Variants in ULK4 observed in about 807,000 individuals in gnomAD.
ULK4 encodes the protein unc-51 like kinase 4.
In ULK4, 133 loss-of-function variants were observed where a neutral mutation model predicts 160.6. The observed-to-expected ratio is 0.83, with a 90% CI of 0.72 to 0.96. The LOEUF (loss-of-function observed/expected upper bound fraction) is 0.96, where lower values mean the gene tolerates loss of function less well. Ranked by LOEUF, ULK4 falls within the 40% of genes least tolerant of loss-of-function variation. ULK4 has a pLI of 0.00. For missense variants in ULK4, 1,580 were observed against 1,499.5 expected (o/e 1.05, Z -0.89); for synonymous variants, 534 against 539.8 (o/e 0.99, Z 0.15).
At chr3:41,602,571 A>G (rs2032167316) in intron 31 of ULK4, among the ~76,000 whole-genome samples, 2 of 152,182 alleles carry the variant, frequency 1.3e-5, no homozygotes, top group African/African-American at 4.8e-5. Context: ...ACAGGAACTC[A>G]CTGTACTACC....
intron 34 of ULK4, among the ~76,000 whole-genome samples, chr3:41,414,688 C>A (rs2125830478): frequency 6.6e-6 from 1 of 152,224 alleles, no homozygotes; most frequent in African/African-American, 2.4e-5. Flanking sequence ...ATTAGGCCAC[C>A]AATACTGTTC....
At position 41,677,626 on chromosome 3, in the gene ULK4, C is replaced by A. The variant is rs150208339; in HGVS notation, c.2978+3882G>T. ...GATTACAGGTGAGAGCCACCGCGCCCGGCCCCTAAAGTTCATTGTTTAGCA... is the reference window on the plus strand; with the variant it reads ...GATTACAGGTGAGAGCCACCGCGCCAGGCCCCTAAAGTTCATTGTTTAGCA... On this transcript the variant is annotated intron_variant, in intron 29 of 36. Coordinates refer to ENST00000301831, the MANE Select transcript of ULK4 (RefSeq NM_017886.4). 3.6e-3 allele frequency among the ~76,000 whole-genome samples: 550 copies of A among 152,226 alleles called. 6 individuals are homozygous for A. The highest frequency in any genetic ancestry group is 0.012 in the African/African-American group (511 of 41,524).
chr3:41,397,246 T>C (rs554983461), intron 35 of ULK4, among the ~76,000 whole-genome samples: 1 of 152,136 alleles, frequency 6.6e-6, no homozygotes, highest in African/African-American at 2.4e-5. Flanking sequence ...CACTTTCAAA[T>C]AGACGTCAGC....
intron 32 of ULK4, among the ~76,000 whole-genome samples, chr3:41,465,522 A>T (rs1377440603): frequency 6.6e-6 from 1 of 152,170 alleles, no homozygotes; most frequent in African/African-American, 2.4e-5. Flanking sequence ...CAGCTCCATA[A>T]ATTCCATTTG....
chr3:41,565,926 C>T, intron 32 of ULK4, 99 bp downstream of exon 32: 1 of 780,586 alleles, frequency 1.3e-6, no homozygotes, highest in Non-Finnish European at 2.0e-6. Context: ...TCTATTTTGA[C>T]TCATCAACTT....
In ULK4 at chr3:41,386,861, C is replaced by T. The variant is rs59358302; in HGVS notation, c.3678+11218G>A. On this transcript the variant is annotated intron_variant, in intron 35 of 36. Coordinates refer to ENST00000301831, the MANE Select transcript of ULK4 (RefSeq NM_017886.4). Reference sequence around the variant, plus strand: ...AAGCTTTCTCTGTCACATCCTGTGACATGTGATCTTGTCGATACCTATGGT... The same window carrying T: ...AAGCTTTCTCTGTCACATCCTGTGATATGTGATCTTGTCGATACCTATGGT... 3.1e-4 allele frequency among the ~76,000 whole-genome samples: 47 copies of T among 152,194 alleles called. 1 individual carries two copies. The East Asian group carries it at 8.1e-3, about 26-fold the overall frequency.
intron 19 of ULK4, among the ~76,000 whole-genome samples, chr3:41,801,585 C>G (rs556953254): frequency 1.3e-5 from 2 of 151,794 alleles, no homozygotes; most frequent in South Asian, 4.2e-4. Context: ...AGCAATGTCC[C>G]ATTCCTGTAA....
intron 35 of ULK4, among the ~76,000 whole-genome samples, chr3:41,309,319 A>G (rs2080005253): frequency 1.3e-5 from 2 of 152,078 alleles, no homozygotes; most frequent in Admixed American, 6.5e-5. Flanking sequence ...AGAACAACAA[A>G]GATAAAGGGA....
At chr3:41,435,329 G>T (rs2083009674) in intron 34 of ULK4, among the ~76,000 whole-genome samples, 1 of 152,156 alleles carries the variant, frequency 6.6e-6, no homozygotes, top group Non-Finnish European at 1.5e-5. Context: ...GGGACAAACA[G>T]AACTGTGTGA....
At chr3:41,687,184 C>T (rs750689654) in intron 27 of ULK4, among the ~76,000 whole-genome samples, 2 of 152,052 alleles carry the variant, frequency 1.3e-5, no homozygotes, top group Non-Finnish European at 2.9e-5. Flanking sequence ...ACCATCCTGG[C>T]CAACATGGTG....
intron 32 of ULK4, among the ~76,000 whole-genome samples, chr3:41,484,458 C>CTTTTTTT (rs369059587): frequency 2.3e-4 from 31 of 134,930 alleles, no homozygotes; most frequent in African/African-American, 4.2e-4. Flanking sequence ...CTTTCTTTTC[C>CTTTTTTT]TTTTTTTGTT....
intron 35 of ULK4, among the ~76,000 whole-genome samples, chr3:41,375,466 A>T (rs868839067): frequency 6.7e-6 from 1 of 150,132 alleles, no homozygotes; most frequent in South Asian, 2.2e-4. Context: ...AGGCCGCAGA[A>T]ATAACACCAT....
chr3:41,363,401 G>A (rs73828006), intron 35 of ULK4, among the ~76,000 whole-genome samples: 6,518 of 152,278 alleles, frequency 0.043, 365 homozygotes, highest in East Asian at 0.19. Context: ...CTGGTTTGGC[G>A]AATCAGGAAA....
chr3:41,385,552 A>G lies in ULK4; in HGVS notation c.3678+12527T>C, dbSNP rs183170066. The stretch of plus-strand genomic sequence containing the variant: ...GTCTCTAAAATTAAAAAGAAAAATC[A>G]TATCACAACTTGGTATGCACAGCCA... On this transcript the variant is annotated intron_variant, in intron 35 of 36. Coordinates refer to ENST00000301831, the MANE Select transcript of ULK4 (RefSeq NM_017886.4). Among the ~76,000 whole-genome samples the G allele has an allele frequency of 2.8e-4, 42 of 152,310 alleles. 1 individual carries two copies. Among genetic ancestry groups the G allele is most frequent in the Admixed American group, 1.5e-3 (23 of 15,284 alleles).
chr3:41,448,825 T>C (rs1248065988), intron 34 of ULK4, among the ~76,000 whole-genome samples: 1 of 152,182 alleles, frequency 6.6e-6, no homozygotes, highest in Non-Finnish European at 1.5e-5. Flanking sequence ...CTTGGGCAAT[T>C]GAGTGGAAGT....
intron 25 of ULK4, among the ~76,000 whole-genome samples, chr3:41,709,456 G>A (rs1021007887): frequency 1.3e-5 from 2 of 152,118 alleles, no homozygotes; most frequent in Admixed American, 6.5e-5. Context: ...GCATGATCTC[G>A]GTTCACTGCA....
At chr3:41,294,562 C>T (rs11717079) in intron 35 of ULK4, among the ~76,000 whole-genome samples, 251 of 151,970 alleles carry the variant, frequency 1.7e-3, no homozygotes, top group East Asian at 3.3e-3. Context: ...TAATCATATA[C>T]GTTTTATAAA....
intron 19 of ULK4, among the ~76,000 whole-genome samples, chr3:41,816,892 C>A (rs2040982030): frequency 6.6e-6 from 1 of 152,106 alleles, no homozygotes; most frequent in African/African-American, 2.4e-5. Flanking sequence ...ACTTCCATAC[C>A]CTGCTGGTGG....
intron 17 of ULK4, among the ~76,000 whole-genome samples, chr3:41,844,337 C>T (rs369078917): frequency 7.9e-5 from 12 of 152,280 alleles, no homozygotes; most frequent in East Asian, 7.7e-4. Context: ...TAAGGCCGGG[C>T]GAGAAATCGA....
Sources: gnomAD v4.1 joint callset for allele counts (sites outside exome capture counted in the v4.1 genomes callset) on GRCh38, gnomAD v4.1.1 for gene constraint, MANE v1.5 for transcripts, NCBI Gene and HGNC (gene_info 2026-07-23, HGNC 2026-07-21) for gene names.